The following RBFOX1 variants were observed in gnomAD, a reference collection of about 807,000 sequenced individuals.
RBFOX1 encodes RNA binding fox-1 homolog 1.
Under a neutral mutation model 57.7 loss-of-function variants are expected in RBFOX1, and 8 were observed. That is an observed-to-expected ratio of 0.14 (90% CI 0.08 to 0.25). The LOEUF is 0.25. RBFOX1 is among the 10% of genes least tolerant of loss of function. The pLI, the probability that RBFOX1 is intolerant of heterozygous loss-of-function variation, is 1.00. For synonymous variants in RBFOX1, 326 were observed against 222.4 expected (o/e 1.47, Z -4.15); for missense variants, 611 against 548.5 (o/e 1.11, Z -1.14).
intron 2 of RBFOX1, among the ~76,000 whole-genome samples, chr16:5,468,683 A>G (rs2069031039): frequency 6.6e-6 from 1 of 152,244 alleles, no homozygotes; most frequent in Admixed American, 6.5e-5. Context: ...CTATCCATGC[A>G]GTGGAATATT....
chr16:5,499,560 T>C (rs1420526268), intron 2 of RBFOX1, among the ~76,000 whole-genome samples: 1 of 152,190 alleles, frequency 6.6e-6, no homozygotes, highest in Admixed American at 6.5e-5. Context: ...TTTTTCTTTT[T>C]CTTTTCCTTT....
At chr16:5,756,453 G>T (rs1309986891) in intron 3 of RBFOX1, among the ~76,000 whole-genome samples, 1 of 152,048 alleles carries the variant, frequency 6.6e-6, no homozygotes, top group Non-Finnish European at 1.5e-5. Context: ...CTTTGCGGTG[G>T]AGTTTGTCAC....
intron 3 of RBFOX1, among the ~76,000 whole-genome samples, chr16:6,657,380 C>G (rs1400449218): frequency 3.9e-5 from 6 of 152,162 alleles, no homozygotes; most frequent in African/African-American, 7.2e-5. Context: ...ATTGAACAGT[C>G]AAGAAGCAAA....
At chr16:6,964,709 C>T (rs1048123396) in intron 3 of RBFOX1, among the ~76,000 whole-genome samples, 3 of 152,170 alleles carry the variant, frequency 2.0e-5, no homozygotes, top group Admixed American at 6.5e-5. Flanking sequence ...AAGGGTGTCT[C>T]TGATGAGGTA....
chr16:7,686,674 T>G (rs1206001021), intron 14 of RBFOX1, among the ~76,000 whole-genome samples: 1 of 152,154 alleles, frequency 6.6e-6, no homozygotes, highest in Non-Finnish European at 1.5e-5. Flanking sequence ...ACTGTTTTTA[T>G]ATCTCAATTT....
intron 3 of RBFOX1, among the ~76,000 whole-genome samples, chr16:7,046,240 G>GTGTGTGTA (rs1168333394): frequency 7.8e-6 from 1 of 127,892 alleles, no homozygotes; most frequent in African/African-American, 3.7e-5. Context: ...GTAAAGGGGT[G>GTGTGTGTA]TGTGTGTGTG....
At chr16:5,989,205 C>T (rs1321802968) in intron 4 of RBFOX1, among the ~76,000 whole-genome samples, 1 of 150,852 alleles carries the variant, frequency 6.6e-6, no homozygotes, top group African/African-American at 2.4e-5. Flanking sequence ...GTGGCAGGAG[C>T]CTGTAGTCCC....
chr16:6,699,745 G>A (rs1432442897), intron 3 of RBFOX1, among the ~76,000 whole-genome samples: 1 of 152,148 alleles, frequency 6.6e-6, no homozygotes. Flanking sequence ...CCTTGAAGGA[G>A]TTTATGATCA....
chr16:5,796,380 C>G (rs182620304), intron 3 of RBFOX1, among the ~76,000 whole-genome samples: 76 of 152,288 alleles, frequency 5.0e-4, no homozygotes, highest in Non-Finnish European at 8.7e-4. Context: ...GGATCTGGAC[C>G]AAATATATCC....
intron 3 of RBFOX1, among the ~76,000 whole-genome samples, chr16:6,764,453 T>C (rs1189564240): frequency 1.3e-5 from 2 of 152,202 alleles, no homozygotes; most frequent in Non-Finnish European, 2.9e-5. Context: ...TGAGCACAAC[T>C]CTTTGTCTTC....
intron 3 of RBFOX1, among the ~76,000 whole-genome samples, chr16:6,826,592 C>G (rs372452213): frequency 5.4e-4 from 83 of 152,298 alleles, no homozygotes; most frequent in African/African-American, 1.9e-3. Context: ...TATTCCTCCT[C>G]TCTTTGGTCC....
At chr16:7,021,321 C>G (rs142369463) in intron 3 of RBFOX1, among the ~76,000 whole-genome samples, 3 of 146,730 alleles carry the variant, frequency 2.0e-5, no homozygotes, top group East Asian at 3.9e-4. Flanking sequence ...TATATATTTA[C>G]TTTTTAATAT....
At chr16:7,116,396 C>T (rs931495361) in intron 4 of RBFOX1, among the ~76,000 whole-genome samples, 2 of 152,028 alleles carry the variant, frequency 1.3e-5, no homozygotes, top group Admixed American at 1.3e-4. Flanking sequence ...GCCATGGTTC[C>T]CAGTAGGGAC....
At chr16:6,216,487 G>A in intron 1 of RBFOX1, among the ~76,000 whole-genome samples, 1 of 152,268 alleles carries the variant, frequency 6.6e-6, no homozygotes, top group Non-Finnish European at 1.5e-5. Flanking sequence ...TATCGCTGAA[G>A]AGAGTGACCC....
At chr16:7,253,919 A>G (rs1011103899) in intron 4 of RBFOX1, among the ~76,000 whole-genome samples, 1 of 152,146 alleles carries the variant, frequency 6.6e-6, no homozygotes, top group African/African-American at 2.4e-5. Flanking sequence ...GAGTCTTTAT[A>G]TAGGAGCTCT....
chr16:6,606,470 G>C (rs1164945687), intron 2 of RBFOX1, among the ~76,000 whole-genome samples: 1 of 152,102 alleles, frequency 6.6e-6, no homozygotes, highest in Non-Finnish European at 1.5e-5. Flanking sequence ...CCATCACCTA[G>C]TTATTAAGCC....
intron 3 of RBFOX1, among the ~76,000 whole-genome samples, chr16:7,008,072 G>C (rs1008644900): frequency 6.6e-6 from 1 of 152,104 alleles, no homozygotes; most frequent in African/African-American, 2.4e-5. Flanking sequence ...CTTGGATCCA[G>C]TTTTCAGCCA....
At chr16:6,318,199 G>A (rs1028072232) in intron 2 of RBFOX1, among the ~76,000 whole-genome samples, 4 of 152,326 alleles carry the variant, frequency 2.6e-5, no homozygotes, top group Admixed American at 6.5e-5. Flanking sequence ...GCGTAACCCT[G>A]ATCAGCTAAC....
chr16:6,012,641 G>A (rs1295395677), intron 4 of RBFOX1, among the ~76,000 whole-genome samples: 5 of 152,208 alleles, frequency 3.3e-5, no homozygotes, highest in African/African-American at 1.2e-4. Context: ...AAGGGGATGT[G>A]TCATCTCATG....
Sources: allele counts gnomAD v4.1 joint callset (sites outside exome capture counted in the v4.1 genomes callset), GRCh38; gene constraint gnomAD v4.1.1; transcripts MANE v1.5; gene names NCBI Gene and HGNC (gene_info 2026-07-23, HGNC 2026-07-21).